Variants in ACACA observed in about 807,000 individuals in gnomAD.
ACACA encodes the protein acetyl-CoA carboxylase 1.
ACACA carries 103 observed loss-of-function variants against 296.1 expected under a neutral mutation model. The observed-to-expected ratio is 0.35, with a 90% CI of 0.30 to 0.41. The LOEUF (loss-of-function observed/expected upper bound fraction) is 0.41, where lower values mean the gene tolerates loss of function less well. ACACA is among the 10% of genes least tolerant of loss of function. The pLI, the probability that ACACA is intolerant of heterozygous loss-of-function variation, is 1.00. For synonymous variants in ACACA, 953 were observed against 1,038.6 expected (o/e 0.92, Z 1.58); for missense variants, 1,554 against 2,989.7 (o/e 0.52, Z 11.20).
chr17:37,404,413 T>C (rs1287807507), intron 1 of ACACA, among the ~76,000 whole-genome samples: 2 of 151,840 alleles, frequency 1.3e-5, no homozygotes, highest in Non-Finnish European at 2.9e-5. Context: ...GAGATGGGGG[T>C]CTCGATACGT....
At chr17:37,281,637 G>A (rs957820866) in intron 5 of ACACA, among the ~76,000 whole-genome samples, 2 of 152,128 alleles carry the variant, frequency 1.3e-5, no homozygotes, top group African/African-American at 4.8e-5. Flanking sequence ...GGAGGCCAAG[G>A]CAGGTGGATC....
chr17:37,263,464 T>A (rs1244585912), intron 11 of ACACA, among the ~76,000 whole-genome samples: 1 of 152,162 alleles, frequency 6.6e-6, no homozygotes, highest in Non-Finnish European at 1.5e-5. Flanking sequence ...GTACGCTGAT[T>A]TTTTTTAGAA....
Position 37,088,927 on chromosome 17 carries a change from G to C in ACACA, c.7028+11C>G, listed in dbSNP as rs560608662. 6.2e-7 allele frequency: 1 copy of C among 1,614,110 alleles called. No individual in the cohort carries two copies. The highest frequency in any genetic ancestry group is 8.5e-7 in the Non-Finnish European group (1 of 1,179,972). ...CTCCTTCTCTAGTGGAGTTCCCCAC[G>C]TTGGTCTCACCTGCGGATTTGCTTG... On this transcript the variant is annotated intron_variant, in intron 55 of 55. Transcript: ENST00000616317.
At chr17:37,105,272 G>A (rs1257212129) in intron 52 of ACACA, among the ~76,000 whole-genome samples, 1 of 152,120 alleles carries the variant, frequency 6.6e-6, no homozygotes, top group Non-Finnish European at 1.5e-5. Context: ...CAGGGAAAAT[G>A]TTTTATAAAA....
intron 45 of ACACA, among the ~76,000 whole-genome samples, chr17:37,138,998 T>A (rs1301225070): frequency 1.3e-5 from 2 of 151,928 alleles, no homozygotes; most frequent in Non-Finnish European, 2.9e-5. Flanking sequence ...GCAGGGGTGA[T>A]AAGCTAATTT....
chr17:37,257,933 T>C, intron 13 of ACACA, 67 bp from the exon 14 acceptor site: 1 of 1,574,906 alleles, frequency 6.3e-7, no homozygotes, highest in Non-Finnish European at 8.7e-7. Flanking sequence ...ATATATTCAT[T>C]GTTTAAGTTC....
chr17:37,402,907 C>T (rs1568111696), intron 1 of ACACA, among the ~76,000 whole-genome samples: 1 of 152,138 alleles, frequency 6.6e-6, no homozygotes, highest in Non-Finnish European at 1.5e-5. Context: ...CTCCTGACCT[C>T]GTGATCCGCC....
intron 3 of ACACA, among the ~76,000 whole-genome samples, chr17:37,288,372 A>G (rs1159431019): frequency 1.3e-5 from 2 of 152,212 alleles, no homozygotes; most frequent in African/African-American, 4.8e-5. Context: ...TGAATCTCAA[A>G]AACCTCATGT....
chr17:37,362,088 T>C (rs1354722395), intron 1 of ACACA, among the ~76,000 whole-genome samples: 1 of 152,154 alleles, frequency 6.6e-6, no homozygotes, highest in Non-Finnish European at 1.5e-5. Context: ...CAGACACACA[T>C]ATGAAGACAT....
At position 37,284,822 on chromosome 17, in the gene ACACA, G is replaced by A. The variant is rs767316861; in HGVS notation, c.471+16C>T. The A allele has an allele frequency of 1.4e-5, 22 of 1,613,970 alleles. No individual in the cohort carries two copies. Among genetic ancestry groups the A allele is most frequent in the Non-Finnish European group, 1.8e-5 (21 of 1,180,004 alleles). ...TAAGTGCTTTTGACAAAATAATTCA[G>A]CAAGTTACAACTTACCTTCTCAATC... On this transcript the variant is annotated intron_variant, in intron 4 of 55. Transcript: ENST00000616317.
intron 33 of ACACA, among the ~76,000 whole-genome samples, chr17:37,202,819 A>C (rs1031061847): frequency 2.6e-5 from 4 of 151,026 alleles, no homozygotes; most frequent in South Asian, 2.1e-4. Flanking sequence ...GTGTCAGCAC[A>C]GTCTACCCTT....
chr17:37,222,738 T>C (rs2079356899), intron 28 of ACACA, among the ~76,000 whole-genome samples: 1 of 152,226 alleles, frequency 6.6e-6, no homozygotes. Context: ...ACAAAAGAGC[T>C]GGCAACAGAC....
chr17:37,172,765 T>C (rs1223573252), intron 41 of ACACA, among the ~76,000 whole-genome samples: 1 of 152,236 alleles, frequency 6.6e-6, no homozygotes, highest in Non-Finnish European at 1.5e-5. Context: ...CATATGTATT[T>C]GACCCTTTTC....
chr17:37,250,509 G>A (rs1469387042), intron 16 of ACACA, among the ~76,000 whole-genome samples: 4 of 151,974 alleles, frequency 2.6e-5, no homozygotes, highest in South Asian at 2.1e-4. Context: ...GTGGTGGTGC[G>A]TGCCTGTAGT....
chr17:37,368,974 T>C (rs2049705522), intron 1 of ACACA, among the ~76,000 whole-genome samples: 1 of 152,186 alleles, frequency 6.6e-6, no homozygotes, highest in African/African-American at 2.4e-5. Context: ...ATTTATACCC[T>C]GGAGAAACTT....
chr17:37,149,825 A>G, intron 45 of ACACA, 39 bp downstream of exon 45: 12 of 1,533,182 alleles, frequency 7.8e-6, no homozygotes, highest in Non-Finnish European at 1.1e-5. Flanking sequence ...ATAATCTTCA[A>G]TCAGCTATGC....
intron 1 of ACACA, among the ~76,000 whole-genome samples, chr17:37,345,067 C>T (rs965062316): frequency 1.3e-5 from 2 of 152,094 alleles, no homozygotes; most frequent in South Asian, 2.1e-4. Context: ...GTCACCTTCC[C>T]GGAGAGAGAT....
At position 37,244,668 on chromosome 17, in the gene ACACA, G is replaced by GAGA; in HGVS notation, c.2661_2662insTCT (p.His887_Arg888insSer). ...TTATCCAGGACATAATGGAACACTC[G>GAGA]ATGGAGTTTCTCGCCTCTGAGTGCC... On this transcript the variant is annotated inframe_insertion, in exon 21 of 56. Transcript: ENST00000616317. 6.2e-7 allele frequency: 1 copy of GAGA among 1,614,102 alleles called. No homozygotes were observed. Among genetic ancestry groups the GAGA allele is most frequent in the Non-Finnish European group, 8.5e-7 (1 of 1,180,004 alleles).
intron 36 of ACACA, 103 bp from the exon 37 acceptor site, chr17:37,192,408 T>G (rs1359276945): frequency 1.8e-6 from 2 of 1,106,916 alleles, no homozygotes; most frequent in East Asian, 5.1e-5. Context: ...AAACATAAGC[T>G]ATGATGTGCT....
Sources: allele counts gnomAD v4.1 joint callset (sites outside exome capture counted in the v4.1 genomes callset), GRCh38; gene constraint gnomAD v4.1.1; transcripts MANE v1.5; gene names NCBI Gene and HGNC (gene_info 2026-07-23, HGNC 2026-07-21).